The following AGTPBP1 variants were observed in gnomAD, a reference collection of about 807,000 sequenced individuals.
AGTPBP1 encodes cytosolic carboxypeptidase 1.
In AGTPBP1, 70 loss-of-function variants were observed where a neutral mutation model predicts 143.9. The ratio of observed to expected loss-of-function variants is 0.49; its 90% CI spans 0.40 to 0.59. The LOEUF (loss-of-function observed/expected upper bound fraction) is 0.59, where lower values mean the gene tolerates loss of function less well. Ranked by LOEUF, AGTPBP1 falls within the 20% of genes least tolerant of loss-of-function variation. AGTPBP1 has a pLI of 0.00. For missense variants in AGTPBP1, 1,229 were observed against 1,464.5 expected (o/e 0.84, Z 2.62); for synonymous variants, 463 against 500.2 (o/e 0.93, Z 0.99).
intron 18 of AGTPBP1, 111 bp from the exon 19 acceptor site, chr9:85,592,815 A>G (rs1829056982): frequency 7.5e-7 from 1 of 1,332,362 alleles, no homozygotes; most frequent in African/African-American, 1.5e-5. Flanking sequence ...CGAGTCTGTA[A>G]AAAGTGTAAC....
the AGTPBP1 span, chr9:85,805,285 G>C: frequency 1.3e-5 from 2 of 151,840 alleles, no homozygotes. Context: ...CCGCCCCGAG[G>C]CTCTCACGCC....
chr9:85,622,393 T>C (rs1830990680), intron 14 of AGTPBP1, among the ~76,000 whole-genome samples: 1 of 152,276 alleles, frequency 6.6e-6, no homozygotes, highest in East Asian at 1.9e-4. Context: ...TCTCACATAG[T>C]TTAGAAATAT....
intron 7 of AGTPBP1, 64 bp downstream of exon 7, chr9:85,672,486 C>T (rs1834547684): frequency 1.3e-6 from 2 of 1,538,012 alleles, no homozygotes; most frequent in Admixed American, 2.0e-5. Context: ...AATCAGGATA[C>T]TTTAAAATTC....
intron 1 of AGTPBP1, among the ~76,000 whole-genome samples, chr9:85,716,621 T>C (rs1287545188): frequency 6.6e-6 from 1 of 152,192 alleles, no homozygotes; most frequent in East Asian, 1.9e-4. Flanking sequence ...TTTTAAAATA[T>C]ATCCAGAATC....
chr9:85,614,189 CATT>C (rs1830480724), intron 17 of AGTPBP1, among the ~76,000 whole-genome samples: 1 of 151,878 alleles, frequency 6.6e-6, no homozygotes, highest in Admixed American at 6.6e-5. Flanking sequence ...TTAATTTAAA[CATT>C]GTTAAAATTC....
intron 17 of AGTPBP1, among the ~76,000 whole-genome samples, chr9:85,600,108 T>C (rs571440176): frequency 6.6e-6 from 1 of 152,370 alleles, no homozygotes; most frequent in South Asian, 2.1e-4. Context: ...ATTCAATGAA[T>C]GTTAGCTACT....
the AGTPBP1 span, among the ~76,000 whole-genome samples, chr9:85,795,741 T>A: frequency 2.0e-5 from 3 of 152,080 alleles, no homozygotes; most frequent in African/African-American, 7.2e-5. Flanking sequence ...ACTAATTCGT[T>A]TAGGATAATT....
chr9:85,674,194 C>T (rs1287747177), intron 6 of AGTPBP1, among the ~76,000 whole-genome samples: 1 of 146,584 alleles, frequency 6.8e-6, no homozygotes. Flanking sequence ...ATCAAAATAA[C>T]TCAATATTCC....
the AGTPBP1 span, among the ~76,000 whole-genome samples, chr9:85,767,727 C>T: frequency 5.9e-5 from 9 of 152,150 alleles, no homozygotes; most frequent in African/African-American, 2.2e-4. Context: ...AGTGATCCAC[C>T]CACCTCAGCC....
intron 1 of AGTPBP1, among the ~76,000 whole-genome samples, chr9:85,722,920 A>G (rs1305096936): frequency 2.0e-5 from 3 of 152,124 alleles, no homozygotes; most frequent in Admixed American, 2.0e-4. Context: ...TCCTTCTAAC[A>G]GTCGGGCCCC....
At chr9:85,657,361 A>G in intron 10 of AGTPBP1, 74 bp downstream of exon 10, 1 of 1,289,066 alleles carries the variant, frequency 7.8e-7, no homozygotes, top group Non-Finnish European at 1.1e-6. Context: ...GTATTTGCAC[A>G]CTAATTCAGT....
intron 3 of AGTPBP1, among the ~76,000 whole-genome samples, chr9:85,692,161 G>A (rs560924391): frequency 2.0e-5 from 3 of 152,124 alleles, no homozygotes; most frequent in African/African-American, 7.2e-5. Flanking sequence ...AAATGGGAGG[G>A]TGGTAATCAT....
chr9:85,737,044 T>G (rs1166794114), intron 1 of AGTPBP1, among the ~76,000 whole-genome samples: 1 of 152,184 alleles, frequency 6.6e-6, no homozygotes, highest in Non-Finnish European at 1.5e-5. Context: ...AAGCGGAGCT[T>G]GCAGTGAGCA....
intron 9 of AGTPBP1, 91 bp downstream of exon 9, chr9:85,660,845 T>G (rs1833812143): frequency 1.0e-6 from 1 of 1,001,518 alleles, no homozygotes; most frequent in African/African-American, 1.7e-5. Flanking sequence ...TTTATAACTA[T>G]AGTCTAAATC....
chr9:85,657,081 G>C (rs1315794941), intron 10 of AGTPBP1, among the ~76,000 whole-genome samples: 1 of 151,348 alleles, frequency 6.6e-6, no homozygotes, highest in Non-Finnish European at 1.5e-5. Flanking sequence ...CCTAATGCTA[G>C]ATGACGAGTT....
chr9:85,788,226 C>T, the AGTPBP1 span, among the ~76,000 whole-genome samples: 1 of 151,862 alleles, frequency 6.6e-6, no homozygotes, highest in Admixed American at 6.6e-5. Context: ...TACAAACTAA[C>T]TGGGAAATTT....
rs755872549 is a variant in AGTPBP1, at chr9:85,681,350, A to C, written c.158-15T>G. ...CCTTGTTTTTTCTGAAAAGTAGCAA[A>C]CAATTTTTTTCTCAAACATAAATTT... is the stretch of plus-strand genomic sequence containing the variant. On this transcript the variant is annotated splice_polypyrimidine_tract_variant and intron_variant, in intron 3 of 25. Transcript: ENST00000357081. The C allele has an allele frequency of 1.2e-6, 2 of 1,607,682 alleles. No homozygotes were observed. Among genetic ancestry groups the C allele is most frequent in the Non-Finnish European group, 1.7e-6 (2 of 1,178,132 alleles).
intron 12 of AGTPBP1, among the ~76,000 whole-genome samples, chr9:85,644,947 G>T (rs917646233): frequency 1.3e-5 from 2 of 152,092 alleles, no homozygotes; most frequent in African/African-American, 4.8e-5. Flanking sequence ...ATAAAGCTCA[G>T]CAGTCTCAAA....
At chr9:85,697,864 T>C (rs1460605244) in intron 2 of AGTPBP1, among the ~76,000 whole-genome samples, 2 of 152,202 alleles carry the variant, frequency 1.3e-5, no homozygotes, top group Non-Finnish European at 2.9e-5. Context: ...AAAAGTTTGA[T>C]AACTGCTCTT....
Sources: allele counts gnomAD v4.1 joint callset (sites outside exome capture counted in the v4.1 genomes callset), GRCh38; gene constraint gnomAD v4.1.1; transcripts MANE v1.5; gene names NCBI Gene and HGNC (gene_info 2026-07-23, HGNC 2026-07-21).